Variants in SLMAP observed in about 807,000 individuals in gnomAD.
The protein encoded by SLMAP is sarcolemma associated protein.
A neutral mutation model predicts 128.8 loss-of-function variants in SLMAP; 44 were observed. The ratio of observed to expected loss-of-function variants is 0.34; its 90% confidence interval spans 0.27 to 0.44. SLMAP has a LOEUF of 0.44. Among genes scored for constraint, SLMAP ranks in the 20% least tolerant of loss-of-function variants. The pLI is 1.00. For missense variants in SLMAP, 787 were observed against 985.3 expected (o/e 0.80, Z 2.69); for synonymous variants, 327 against 348.8 (o/e 0.94, Z 0.70).
intron 2 of SLMAP, among the ~76,000 whole-genome samples, chr3:57,814,810 A>AAAAAC (rs1189234029): frequency 3.3e-5 from 5 of 152,030 alleles, no homozygotes; most frequent in Non-Finnish European, 5.9e-5. Flanking sequence ...CTGTCTCTAC[A>AAAAAC]AAAACAAAAC....
Position 57,757,389 on chromosome 3 carries a change from A to C in SLMAP, c.-263A>C. 1 of 530,084 alleles carries C rather than the reference A, an allele frequency of 1.9e-6. No homozygotes were observed. The highest frequency in any genetic ancestry group is 3.2e-5 in the Admixed American group (1 of 30,962). The allele number at this position is 530,084 out of a possible 1,614,324, so 32.8% of individuals were successfully genotyped here. ...TGTTTGAGCCTTTTCTTCCCAGAGA[A>C]GAAGATGGACTGAAAGCTGCCAGTT... On this transcript the variant is annotated 5_prime_UTR_variant, in exon 2 of 25. Coordinates refer to ENST00000671191, the MANE Select transcript of SLMAP (RefSeq NM_001377540.1).
At chr3:57,793,998 T>G (rs1156498854) in intron 2 of SLMAP, among the ~76,000 whole-genome samples, 1 of 151,894 alleles carries the variant, frequency 6.6e-6, no homozygotes, top group Non-Finnish European at 1.5e-5. Context: ...GCTCAAGAGG[T>G]TAGGACTGCC....
chr3:57,761,666 C>T (rs534466481), intron 2 of SLMAP, among the ~76,000 whole-genome samples: 42 of 152,182 alleles, frequency 2.8e-4, no homozygotes, highest in African/African-American at 9.2e-4. Flanking sequence ...CCTGGGCGGT[C>T]GACAATTGGG....
intron 4 of SLMAP, among the ~76,000 whole-genome samples, chr3:57,843,116 T>G (rs1388121056): frequency 3.9e-5 from 6 of 152,100 alleles, no homozygotes; most frequent in Non-Finnish European, 7.4e-5. Context: ...TTAAAAGCAT[T>G]AAGATGCTTT....
intron 13 of SLMAP, among the ~76,000 whole-genome samples, chr3:57,871,114 G>A (rs2095470520): frequency 6.6e-6 from 1 of 152,004 alleles, no homozygotes; most frequent in Non-Finnish European, 1.5e-5. Context: ...ACTGTATGAG[G>A]TACAGATTAA....
chr3:57,907,269 C>T (rs1400659414), intron 17 of SLMAP, among the ~76,000 whole-genome samples: 5 of 152,210 alleles, frequency 3.3e-5, no homozygotes, highest in African/African-American at 4.8e-5. Flanking sequence ...CCTCGTGATC[C>T]GCCTGCCTCA....
intron 2 of SLMAP, among the ~76,000 whole-genome samples, chr3:57,787,921 A>G (rs534854450): frequency 6.6e-6 from 1 of 152,356 alleles, no homozygotes; most frequent in East Asian, 1.9e-4. Context: ...AATAATTGCC[A>G]AGAGAGGTAC....
At chr3:57,898,128 A>G (rs1268071259) in intron 17 of SLMAP, 1 of 152,152 alleles carries the variant, frequency 6.6e-6, no homozygotes, top group African/African-American at 2.4e-5. Context: ...GAGCTTTGGG[A>G]TTATATAAGG....
chr3:57,782,427 A>G (rs546976046), intron 2 of SLMAP, among the ~76,000 whole-genome samples: 2 of 152,272 alleles, frequency 1.3e-5, no homozygotes, highest in Non-Finnish European at 2.9e-5. Flanking sequence ...TTCTGATATC[A>G]TTTAGTTAAA....
intron 6 of SLMAP, among the ~76,000 whole-genome samples, chr3:57,856,131 G>A (rs13088826): frequency 0.22 from 33,145 of 151,868 alleles, 4,720 homozygotes; most frequent in Non-Finnish European, 0.32. Flanking sequence ...AGGATCATAA[G>A]CTCAGGAGTT....
chr3:57,899,258 G>C (rs1298002242), intron 17 of SLMAP: 1 of 152,084 alleles, frequency 6.6e-6, no homozygotes, highest in Non-Finnish European at 1.5e-5. Flanking sequence ...ATATAGCCTG[G>C]GAAGTCAGAC....
chr3:57,917,114 G>T lies in SLMAP; in HGVS notation c.2310+37G>T, dbSNP rs764236059. On this transcript the variant is annotated intron_variant, in intron 22 of 24. Transcript: ENST00000671191. ...AGACATTATGAGCCCAATTATGGTT[G>T]GACTTAAAGCCAAAAGCAAATCGGA... 10 of 1,611,994 alleles carry T rather than the reference G, an allele frequency of 6.2e-6. 1 individual carries two copies. The South Asian group carries it at 1.1e-4, about 18-fold the overall frequency.
intron 21 of SLMAP, among the ~76,000 whole-genome samples, chr3:57,915,770 CG>C (rs1046690750): frequency 2.0e-5 from 3 of 152,216 alleles, no homozygotes; most frequent in African/African-American, 7.2e-5. Flanking sequence ...GTCTGGGCTA[CG>C]GAAGAAGGAA....
chr3:57,805,154 A>G (rs908819100), intron 2 of SLMAP, among the ~76,000 whole-genome samples: 5 of 152,122 alleles, frequency 3.3e-5, no homozygotes, highest in African/African-American at 7.2e-5. Flanking sequence ...CTTTTTGACT[A>G]TGAAATTCCT....
At chr3:57,820,320 T>C (rs1485258333) in intron 2 of SLMAP, among the ~76,000 whole-genome samples, 1 of 152,178 alleles carries the variant, frequency 6.6e-6, no homozygotes, top group Non-Finnish European at 1.5e-5. Flanking sequence ...GTCTAAAAGA[T>C]TGAGTTTGAG....
chr3:57,804,068 G>A (rs2089247438), intron 2 of SLMAP, among the ~76,000 whole-genome samples: 1 of 152,144 alleles, frequency 6.6e-6, no homozygotes, highest in Admixed American at 6.5e-5. Flanking sequence ...CATCTTAAGA[G>A]TAAGTGATTT....
rs763243454 is a variant in SLMAP, at chr3:57,922,905, C to T, written c.2327C>T (p.Thr776Ile). 3 of 1,613,140 alleles carry T rather than the reference C, an allele frequency of 1.9e-6. No individual in the cohort carries two copies. In the East Asian group the frequency reaches 6.7e-5, roughly 36 times the overall value. Residue 776 changes from threonine to isoleucine, a missense_variant, in exon 23 of 25, where the codon ACT (threonine) becomes ATT (isoleucine). Thr to Ile is a moderately conservative substitution (Grantham distance 89). Around this residue, in one of 2 missense-constraint regions of SLMAP, gnomAD observed 715 missense variants for 843.6 expected, o/e 0.85. Coordinates refer to ENST00000671191, the MANE Select transcript of SLMAP (RefSeq NM_001377540.1). ...TGCCTTTAGTATGAAAAGACACAGA[C>T]TGTACTCTCAGAACTGAAGTTGAAG... ...DVQKEYEKTQ[T>I]VLSELKLKFE...
In SLMAP at chr3:57,841,324, A is replaced by G. The variant is rs758758462; in HGVS notation, c.372A>G (p.Thr124=). 1 of 1,608,494 alleles carries G rather than the reference A, an allele frequency of 6.2e-7. No individual in the cohort carries two copies. The highest frequency in any genetic ancestry group is 1.1e-5 in the South Asian group (1 of 90,418). The change falls in exon 4 of 25, where the codon ACA becomes ACG. Residue 124 remains threonine, a synonymous_variant. Transcript: ENST00000671191. ...RKVTHGCIVS[T]IKLFLPDGME... is the part of the protein sequence containing the mutation. Reference sequence around the variant, plus strand: ...TTACCCATGGGTGTATTGTTTCCACAATAAAACTTTTTCTACCAGATGGTA... The same window carrying G: ...TTACCCATGGGTGTATTGTTTCCACGATAAAACTTTTTCTACCAGATGGTA...
intron 2 of SLMAP, among the ~76,000 whole-genome samples, chr3:57,764,501 C>CAAAAA (rs759948558): frequency 9.7e-6 from 1 of 103,280 alleles, no homozygotes; most frequent in Non-Finnish European, 1.9e-5. Flanking sequence ...GACTGCATCT[C>CAAAAA]AAAAAAAAAA....
Sources: gnomAD v4.1 joint callset for allele counts (sites outside exome capture counted in the v4.1 genomes callset) on GRCh38, gnomAD v4.1.1 for gene constraint, gnomAD v4.1.1 regional missense constraint, MANE v1.5 for transcripts, NCBI Gene and HGNC (gene_info 2026-07-23, HGNC 2026-07-21) for gene names.